The following TEKTL1 variants were observed in gnomAD, a reference collection of about 807,000 sequenced individuals.
The protein encoded by TEKTL1 is tektin like 1.
At chr19:15,016,586 T>G in the TEKTL1 span, among the ~76,000 whole-genome samples, 2 of 152,224 alleles carry the variant, frequency 1.3e-5, no homozygotes, top group Admixed American at 6.5e-5. Flanking sequence ...ACAAAAGACT[T>G]TTTAAGTCTG....
the TEKTL1 span, chr19:15,013,747 G>C: frequency 6.2e-7 from 1 of 1,613,532 alleles, no homozygotes; most frequent in Admixed American, 1.7e-5. Flanking sequence ...AATGGAGAGA[G>C]ATATGGAAAA....
At chr19:15,012,076 T>A in the TEKTL1 span, among the ~76,000 whole-genome samples, 3 of 144,412 alleles carry the variant, frequency 2.1e-5, no homozygotes, top group African/African-American at 5.2e-5. Context: ...AGCAACATAG[T>A]GAGACCCCGT....
the TEKTL1 span, among the ~76,000 whole-genome samples, chr19:15,019,733 A>G: frequency 6.6e-6 from 1 of 152,226 alleles, no homozygotes; most frequent in African/African-American, 2.4e-5. Context: ...CATGCCTGCA[A>G]TCCTAAAACT....
the TEKTL1 span, chr19:15,021,507 C>T: frequency 6.2e-7 from 1 of 1,614,118 alleles, no homozygotes; most frequent in Non-Finnish European, 8.5e-7. Context: ...CGAGCGAGAC[C>T]TTGGAGCTGA....
chr19:15,023,018 C>T, the TEKTL1 span: 1 of 1,612,782 alleles, frequency 6.2e-7, no homozygotes, highest in Non-Finnish European at 8.5e-7. Flanking sequence ...GCGCCTGCGC[C>T]AGCGGCAACC....
the TEKTL1 span, chr19:15,011,407 C>T: frequency 7.1e-7 from 1 of 1,412,952 alleles, no homozygotes. Context: ...TGGGACCCTC[C>T]CCCACGCCCA....
chr19:15,011,461 TC>T, the TEKTL1 span: 1 of 1,308,160 alleles, frequency 7.6e-7, no homozygotes, highest in Non-Finnish European at 9.9e-7. Context: ...CTATGCGGTG[TC>T]CAGCCCCGGG....
chr19:15,014,408 T>G, the TEKTL1 span, among the ~76,000 whole-genome samples: 1 of 152,118 alleles, frequency 6.6e-6, no homozygotes, highest in African/African-American at 2.4e-5. Flanking sequence ...AAGTGGTGAC[T>G]GAGAAAGAAC....
chr19:15,014,231 A>C, the TEKTL1 span, among the ~76,000 whole-genome samples: 1 of 152,182 alleles, frequency 6.6e-6, no homozygotes. Context: ...ACTTGCAATG[A>C]GAACTTCTTC....
chr19:15,021,219 C>G, the TEKTL1 span: 1 of 1,129,942 alleles, frequency 8.9e-7, no homozygotes, highest in Non-Finnish European at 1.2e-6. Context: ...TCCCCCGCGC[C>G]CCCTGGACTT....
At chr19:15,010,818 C>A in the TEKTL1 span, 3 of 1,527,918 alleles carry the variant, frequency 2.0e-6, no homozygotes, top group Non-Finnish European at 2.6e-6. Context: ...AGAGACCAAG[C>A]AGGGACCATG....
chr19:15,017,375 T>C, the TEKTL1 span, among the ~76,000 whole-genome samples: 815 of 152,258 alleles, frequency 5.4e-3, 4 homozygotes, highest in Middle Eastern at 0.014. Context: ...TATAAGGGTG[T>C]ATATATGTGC....
chr19:15,011,317 G>C, the TEKTL1 span: 2 of 1,520,584 alleles, frequency 1.3e-6, no homozygotes, highest in Non-Finnish European at 1.8e-6. Flanking sequence ...CCGACCACAG[G>C]CTCAGCGAAG....
chr19:15,016,597 C>CT, the TEKTL1 span, among the ~76,000 whole-genome samples: 2 of 152,280 alleles, frequency 1.3e-5, no homozygotes, highest in South Asian at 4.1e-4. Context: ...TTTAAGTCTG[C>CT]TTTTTAACCA....
chr19:15,013,627 C>T, the TEKTL1 span: 1 of 1,446,616 alleles, frequency 6.9e-7, no homozygotes, highest in South Asian at 1.2e-5. Context: ...AATCTCTTCC[C>T]AGCCCTTTCT....
At chr19:15,012,119 A>T in the TEKTL1 span, among the ~76,000 whole-genome samples, 1 of 151,172 alleles carries the variant, frequency 6.6e-6, no homozygotes, top group African/African-American at 2.4e-5. Flanking sequence ...TTAGTGGCCC[A>T]GCATGGTGGC....
the TEKTL1 span, chr19:15,021,382 C>A: frequency 6.2e-6 from 10 of 1,613,716 alleles, no homozygotes; most frequent in East Asian, 4.5e-5. Context: ...CGAAGCCAAG[C>A]GGTTGTTGGT....
chr19:15,022,722 G>GTTTT, the TEKTL1 span: 62 of 522,678 alleles, frequency 1.2e-4, no homozygotes, highest in Middle Eastern at 5.8e-4. Context: ...CCCTGTCGCG[G>GTTTT]TTTTTTTTTT....
the TEKTL1 span, chr19:15,011,507 G>T: frequency 1.1e-6 from 1 of 931,840 alleles, no homozygotes; most frequent in Non-Finnish European, 1.5e-6. Context: ...GCCAAGGCTG[G>T]TTGATCACCT....
Sources: allele counts gnomAD v4.1 joint callset (sites outside exome capture counted in the v4.1 genomes callset), GRCh38; gene constraint gnomAD v4.1.1; transcripts MANE v1.5; gene names NCBI Gene and HGNC (gene_info 2026-07-23, HGNC 2026-07-21).